The following MGAT4C variants were observed in gnomAD, a reference collection of about 807,000 sequenced individuals.
The protein encoded by MGAT4C is alpha-1,3-mannosyl-glycoprotein 4-beta-N-acetylglucosaminyltransferase C.
MGAT4C carries 19 observed loss-of-function variants against 40.1 expected under a neutral mutation model. The observed-to-expected ratio is 0.47, with a 90% CI of 0.33 to 0.70. The LOEUF (loss-of-function observed/expected upper bound fraction) is 0.70, where lower values mean the gene tolerates loss of function less well. Ranked by LOEUF, MGAT4C falls within the 30% of genes least tolerant of loss-of-function variation. MGAT4C has a pLI of 0.02. For missense variants in MGAT4C, 491 were observed against 563.2 expected (o/e 0.87, Z 1.30); for synonymous variants, 181 against 187.1 (o/e 0.97, Z 0.27).
At chr12:86,388,699 T>TC (rs1349677169) in intron 3 of MGAT4C, among the ~76,000 whole-genome samples, 2 of 148,970 alleles carry the variant, frequency 1.3e-5, no homozygotes, top group East Asian at 4.0e-4. Flanking sequence ...TTTTTTTTTT[T>TC]AGACAGAGTC....
At chr12:86,292,294 T>A (rs1953538785) in intron 4 of MGAT4C, among the ~76,000 whole-genome samples, 1 of 151,904 alleles carries the variant, frequency 6.6e-6, no homozygotes, top group Non-Finnish European at 1.5e-5. Flanking sequence ...AATATTTTTT[T>A]AAAATATCAT....
At position 86,630,162 on chromosome 12, in the gene MGAT4C, A is replaced by T. The variant is rs539355457; in HGVS notation, c.-229+97047T>A. On this transcript the variant is annotated intron_variant, in intron 2 of 7. Transcript: ENST00000548651. Reference sequence around the variant, plus strand: ...AGACTAGAAAATCTAGAAGAAATGGATAAATTCCTCGACACATACACCCTC... The same window carrying T: ...AGACTAGAAAATCTAGAAGAAATGGTTAAATTCCTCGACACATACACCCTC... Among the ~76,000 whole-genome samples, 457 of 152,318 alleles carry T rather than the reference A, an allele frequency of 3.0e-3. 2 individuals carry two copies. Among genetic ancestry groups the T allele is most frequent in the African/African-American group, 0.01 (436 of 41,568 alleles).
At chr12:86,269,320 C>T (rs1952883837) in intron 4 of MGAT4C, among the ~76,000 whole-genome samples, 1 of 151,128 alleles carries the variant, frequency 6.6e-6, no homozygotes, top group Admixed American at 6.6e-5. Flanking sequence ...GAGATATGGG[C>T]TCATTTCTAC....
At position 86,068,975 on chromosome 12, in the gene MGAT4C, A is replaced by T. The variant is rs1293555561; in HGVS notation, c.-56-19252T>A. On this transcript the variant is annotated intron_variant, in intron 1 of 4. Coordinates refer to ENST00000611864, the MANE Select transcript of MGAT4C (RefSeq NM_001351288.2). ...AGGTGGGAGACTCCTTAAAATTCGA[A>T]TTCACCACTCCAACCTATATGTGGT... Among the ~76,000 whole-genome samples the T allele has an allele frequency of 2.6e-5, 4 of 152,038 alleles. No individual in the cohort carries two copies. In the East Asian group the frequency reaches 7.7e-4, roughly 29 times the overall value.
intron 2 of MGAT4C, among the ~76,000 whole-genome samples, chr12:86,678,163 AC>A (rs748636543): frequency 1.4e-4 from 21 of 151,960 alleles, no homozygotes; most frequent in Non-Finnish European, 2.5e-4. Flanking sequence ...CCTAATTTTC[AC>A]CCCTCACCAA....
At chr12:86,622,699 C>T (rs2136491292) in intron 2 of MGAT4C, among the ~76,000 whole-genome samples, 2 of 152,042 alleles carry the variant, frequency 1.3e-5, no homozygotes, top group East Asian at 3.9e-4. Context: ...AATGAGAATA[C>T]AAAACATGTA....
At chr12:86,151,043 T>C (rs1593080516) in intron 1 of MGAT4C, among the ~76,000 whole-genome samples, 1 of 152,184 alleles carries the variant, frequency 6.6e-6, no homozygotes, top group South Asian at 2.1e-4. Flanking sequence ...AAAACAGGCA[T>C]TCACCATAAA....
Position 86,111,840 on chromosome 12 carries a change from T to G in MGAT4C, c.-56-62117A>C, listed in dbSNP as rs76823480. Among the ~76,000 whole-genome samples the G allele has an allele frequency of 7.4e-3, 1,130 of 151,976 alleles. 14 individuals are homozygous for G. Among genetic ancestry groups the G allele is most frequent in the African/African-American group, 0.026 (1,066 of 41,540 alleles). ...CAATAAAAGACAACCACAAATGGAATGCAAAATATCTTTTCGATCTTTCTG... is the reference window on the plus strand; with the variant it reads ...CAATAAAAGACAACCACAAATGGAAGGCAAAATATCTTTTCGATCTTTCTG... On this transcript the variant is annotated intron_variant, in intron 1 of 4. Coordinates refer to ENST00000611864, the MANE Select transcript of MGAT4C (RefSeq NM_001351288.2).
At chr12:86,810,173 A>G (rs1017284411) in intron 1 of MGAT4C, among the ~76,000 whole-genome samples, 2 of 151,742 alleles carry the variant, frequency 1.3e-5, no homozygotes, top group East Asian at 3.9e-4. Context: ...TCATTTTTTT[A>G]TATTGAAATG....
At chr12:86,321,455 T>C (rs1305175375) in intron 4 of MGAT4C, among the ~76,000 whole-genome samples, 1 of 152,202 alleles carries the variant, frequency 6.6e-6, no homozygotes. Flanking sequence ...TGATTTCTAC[T>C]GAGCTTCAGG....
Position 85,980,292 on chromosome 12 carries a change from T to G in MGAT4C, c.434A>C (p.Asn145Thr). 1 of 1,613,962 alleles carries G rather than the reference T, an allele frequency of 6.2e-7. No homozygotes were observed. The highest frequency in any genetic ancestry group is 8.5e-7 in the Non-Finnish European group (1 of 1,179,898). The stretch of plus-strand genomic sequence containing the variant: ...GACCATGGCATCACGCCAGGAAGAA[T>G]TAAAGTCTGCTAGGTGAACCACCAC... ...ISVVVHLADF[N>T]SSWRDAMVQD... The change falls in exon 5 of 5, where the codon AAT becomes ACT. Residue 145 changes from asparagine (N) to threonine (T), a missense_variant. Coordinates refer to ENST00000611864, the MANE Select transcript of MGAT4C (RefSeq NM_001351288.2).
chr12:86,390,827 TC>T (rs1956148550), intron 3 of MGAT4C, among the ~76,000 whole-genome samples: 1 of 152,186 alleles, frequency 6.6e-6, no homozygotes, highest in African/African-American at 2.4e-5. Flanking sequence ...AACTAGAACT[TC>T]ATATAAGAAA....
chr12:86,680,635 CT>C (rs1226306623), intron 2 of MGAT4C, among the ~76,000 whole-genome samples: 99 of 152,104 alleles, frequency 6.5e-4, no homozygotes, highest in African/African-American at 2.3e-3. Context: ...AAATTATCTT[CT>C]AAGTAAACAA....
At chr12:86,762,366 T>G (rs1951422836) in intron 1 of MGAT4C, among the ~76,000 whole-genome samples, 1 of 152,068 alleles carries the variant, frequency 6.6e-6, no homozygotes, top group African/African-American at 2.4e-5. Context: ...GCTACACTCT[T>G]ATATGGGGCT....
chr12:86,482,067 TACACACACACACAC>T (rs10526768), intron 2 of MGAT4C, among the ~76,000 whole-genome samples: 1 of 143,110 alleles, frequency 7.0e-6, no homozygotes. Context: ...AACATGTCAC[TACACACACACACAC>T]ACACACACAC....
At chr12:86,283,663 G>A (rs1345883280) in intron 4 of MGAT4C, among the ~76,000 whole-genome samples, 2 of 152,046 alleles carry the variant, frequency 1.3e-5, no homozygotes, top group Admixed American at 1.3e-4. Flanking sequence ...ACTGTTTGTT[G>A]ATTGTTTTTA....
intron 1 of MGAT4C, among the ~76,000 whole-genome samples, chr12:86,737,968 C>A (rs1297483192): frequency 6.6e-6 from 1 of 151,478 alleles, no homozygotes; most frequent in Non-Finnish European, 1.5e-5. Flanking sequence ...GCCAGAGTGA[C>A]CCTGGTTAAA....
At chr12:86,499,040 AT>A (rs1355700331) in intron 2 of MGAT4C, among the ~76,000 whole-genome samples, 29 of 151,978 alleles carry the variant, frequency 1.9e-4, no homozygotes, top group South Asian at 1.7e-3. Context: ...CTGTAAATGT[AT>A]TTTTTCTTCC....
chr12:86,290,938 A>C (rs1210178601), intron 4 of MGAT4C, among the ~76,000 whole-genome samples: 2 of 152,154 alleles, frequency 1.3e-5, no homozygotes, highest in Non-Finnish European at 2.9e-5. Context: ...AGTGAAAGGG[A>C]ATAAGGAAGC....
Sources: allele counts gnomAD v4.1 joint callset (sites outside exome capture counted in the v4.1 genomes callset), GRCh38; gene constraint gnomAD v4.1.1; transcripts MANE v1.5; gene names NCBI Gene and HGNC (gene_info 2026-07-23, HGNC 2026-07-21).